Variants in PIEZO2 observed in about 807,000 individuals in gnomAD.
The protein encoded by PIEZO2 is piezo-type mechanosensitive ion channel component 2.
Under a neutral mutation model 337.3 loss-of-function variants are expected in PIEZO2, and 172 were observed. The observed-to-expected ratio is 0.51, with a 90% CI of 0.45 to 0.58. The LOEUF is 0.58. Ranked by LOEUF, PIEZO2 falls within the 20% of genes least tolerant of loss-of-function variation. PIEZO2 has a pLI of 0.00. For synonymous variants in PIEZO2, 1,251 were observed against 1,228.5 expected (o/e 1.02, Z -0.38); for missense variants, 3,028 against 3,391.3 (o/e 0.89, Z 2.66).
chr18:11,005,199 C>A (rs1198471657), intron 2 of PIEZO2, among the ~76,000 whole-genome samples: 3 of 152,254 alleles, frequency 2.0e-5, no homozygotes, highest in Non-Finnish European at 4.4e-5. Flanking sequence ...TTCCCCTTCA[C>A]ATCAGGCTTC....
At chr18:11,145,304 T>C (rs2040781367) in intron 1 of PIEZO2, among the ~76,000 whole-genome samples, 1 of 152,174 alleles carries the variant, frequency 6.6e-6, no homozygotes, top group South Asian at 2.1e-4. Flanking sequence ...ACATCTGCAT[T>C]GAAGAGGCCT....
At chr18:10,805,384 C>T (rs901450682) in intron 8 of PIEZO2, among the ~76,000 whole-genome samples, 4 of 152,144 alleles carry the variant, frequency 2.6e-5, no homozygotes, top group Non-Finnish European at 4.4e-5. Context: ...GGCGTGGTGT[C>T]GGGCACCTGT....
chr18:11,073,391 C>G (rs1568350164), intron 1 of PIEZO2, among the ~76,000 whole-genome samples: 1 of 152,108 alleles, frequency 6.6e-6, no homozygotes, highest in Non-Finnish European at 1.5e-5. Context: ...CTTGAGCATC[C>G]CCTCTCCCTT....
rs907880762 is a variant in PIEZO2, at chr18:10,713,145, A to T, written c.5423+1619T>A. 6.6e-6 allele frequency among the ~76,000 whole-genome samples: 1 copy of T among 152,210 alleles called. No individual in the cohort carries two copies. Among genetic ancestry groups the T allele is most frequent in the African/African-American group, 2.4e-5 (1 of 41,452 alleles). On this transcript the variant is annotated intron_variant, in intron 39 of 55. Transcript: ENST00000674853. This position sits in a 1 kb window ranked among gnomAD's most constrained non-coding sequence, Gnocchi z 4.5. ...AATATATATATTTTAAATTAGGCTT[A>T]GCATACATCTTATTTTAAAACTTGG...
In PIEZO2 at chr18:10,933,660, C is replaced by T. The variant is rs541099490; in HGVS notation, c.287-22432G>A. Among the ~76,000 whole-genome samples, 34 of 152,306 alleles carry T rather than the reference C, an allele frequency of 2.2e-4. No individual in the cohort carries two copies. In the South Asian group the frequency reaches 4.4e-3, roughly 20 times the overall value. Reference sequence around the variant, plus strand: ...ATCACTGTGTGCCAGGCAGACGTGTCATGGAAAGAATCCTTTCATGGGTTG... The same window carrying T: ...ATCACTGTGTGCCAGGCAGACGTGTTATGGAAAGAATCCTTTCATGGGTTG... On this transcript the variant is annotated intron_variant, in intron 3 of 55. Transcript: ENST00000674853.
At chr18:11,049,897 C>G (rs559160210) in intron 2 of PIEZO2, among the ~76,000 whole-genome samples, 2 of 152,138 alleles carry the variant, frequency 1.3e-5, no homozygotes, top group Non-Finnish European at 2.9e-5. Context: ...CGGAGTAATA[C>G]AAAAGGTGAA....
Position 10,720,234 on chromosome 18 carries a change from G to GTA in PIEZO2, c.5030-1977_5030-1976dup, listed in dbSNP as rs371910207. On this transcript the variant is annotated intron_variant, in intron 36 of 55. Coordinates refer to ENST00000674853, the MANE Select transcript of PIEZO2 (RefSeq NM_001378183.1). ...TATATATGAATATATGTGTGTGTGT[G>GTA]TATATATATATATATGGAGCCCAGG... is the stretch of plus-strand genomic sequence containing the variant. Among the ~76,000 whole-genome samples, 104 of 119,884 alleles carry GTA rather than the reference G, an allele frequency of 8.7e-4. 3 individuals carry two copies. Among genetic ancestry groups the GTA allele is most frequent in the South Asian group, 2.4e-3 (10 of 4,170 alleles). The allele number at this position is 119,884 out of a possible 152,430, so 78.6% of individuals were successfully genotyped here. A position where few individuals can be genotyped will look rare whatever the true frequency, so the allele number is the denominator to read the frequency against.
intron 3 of PIEZO2, among the ~76,000 whole-genome samples, chr18:10,936,515 C>A (rs8094691): frequency 6.6e-6 from 1 of 152,052 alleles, no homozygotes; most frequent in African/African-American, 2.4e-5. Flanking sequence ...GCTACCGATG[C>A]GAAAATGTTG....
Position 10,888,042 on chromosome 18 carries a change from C to A in PIEZO2, c.330-16627G>T, listed in dbSNP as rs2042657885. Reference sequence around the variant, plus strand: ...GTCCTCTGCCTTATCAAGCTTCCACCCACCAACTTTAGCAGACATTAATGA... The same window carrying A: ...GTCCTCTGCCTTATCAAGCTTCCACACACCAACTTTAGCAGACATTAATGA... On this transcript the variant is annotated intron_variant, in intron 4 of 55. Coordinates refer to ENST00000674853, the MANE Select transcript of PIEZO2 (RefSeq NM_001378183.1). The surrounding 1 kb of genome is among the most constrained non-coding windows in gnomAD (Gnocchi z 4.1). 6.6e-6 allele frequency among the ~76,000 whole-genome samples: 1 copy of A among 152,176 alleles called. No individual in the cohort carries two copies. Among genetic ancestry groups the A allele is most frequent in the Non-Finnish European group, 1.5e-5 (1 of 68,028 alleles).
At chr18:10,730,397 T>C (rs1215971838) in intron 36 of PIEZO2, among the ~76,000 whole-genome samples, 3 of 152,234 alleles carry the variant, frequency 2.0e-5, no homozygotes, top group African/African-American at 7.2e-5. Context: ...GGTCTGTGAA[T>C]TGTTTTTTCA....
At chr18:10,852,410 CT>C (rs762996208) in intron 7 of PIEZO2, among the ~76,000 whole-genome samples, 19 of 152,066 alleles carry the variant, frequency 1.2e-4, no homozygotes, top group Non-Finnish European at 2.6e-4. Flanking sequence ...CTTATTTTAA[CT>C]GAATTTAAGT....
intron 1 of PIEZO2, among the ~76,000 whole-genome samples, chr18:11,108,432 G>C (rs577119159): frequency 1.3e-5 from 2 of 149,342 alleles, no homozygotes; most frequent in African/African-American, 5.0e-5. Context: ...TGGCTAACAC[G>C]GTGAAACCTC....
intron 2 of PIEZO2, among the ~76,000 whole-genome samples, chr18:11,004,849 G>A (rs557774627): frequency 6.6e-6 from 1 of 152,314 alleles, no homozygotes; most frequent in East Asian, 1.9e-4. Context: ...TAATTGATTT[G>A]TGCGTTTCCT....
Position 10,757,968 on chromosome 18 carries a change from C to A in PIEZO2, c.3923+1G>T. 1 of 1,533,864 alleles carries A rather than the reference C, an allele frequency of 6.5e-7. No homozygotes were observed. On this transcript the variant is annotated splice_donor_variant, in intron 27 of 55. Coordinates refer to ENST00000674853, the MANE Select transcript of PIEZO2 (RefSeq NM_001378183.1). LOFTEE classifies it high-confidence loss of function. Reference sequence around the variant, plus strand: ...TTTAGCAAATGTGAAGCTCTTGTTACCTGCAGTGAATAAAATCTGGCACAG... The same window carrying A: ...TTTAGCAAATGTGAAGCTCTTGTTAACTGCAGTGAATAAAATCTGGCACAG...
In PIEZO2 at chr18:11,093,235, G is replaced by A. The variant is rs147757886; in HGVS notation, c.65-27013C>T. 2.0e-4 allele frequency among the ~76,000 whole-genome samples: 31 copies of A among 152,232 alleles called. 1 individual carries two copies. The South Asian group carries it at 2.1e-3, about 10-fold the overall frequency. ...GGGTAAAGCGGAGCCAGCCATTTGC[G>A]GGAGTGACCTATACACACCCCTCAA... On this transcript the variant is annotated intron_variant, in intron 1 of 55. Transcript: ENST00000674853.
intron 1 of PIEZO2, among the ~76,000 whole-genome samples, chr18:11,121,536 A>C (rs968483308): frequency 6.6e-6 from 1 of 152,224 alleles, no homozygotes; most frequent in African/African-American, 2.4e-5. Context: ...TCTGCACTCC[A>C]GCCTGGGCAA....
intron 1 of PIEZO2, among the ~76,000 whole-genome samples, chr18:11,120,813 T>A (rs1403836481): frequency 6.6e-6 from 1 of 152,278 alleles, no homozygotes; most frequent in Non-Finnish European, 1.5e-5. Context: ...TTTTGTTGCA[T>A]CTATGGATCT....
chr18:10,890,062 A>T (rs771320419), intron 4 of PIEZO2, among the ~76,000 whole-genome samples: 22 of 152,188 alleles, frequency 1.4e-4, no homozygotes, highest in Admixed American at 5.9e-4. Flanking sequence ...CTGCTCCCCC[A>T]TCAAACTCCA....
chr18:11,039,748 G>GCGCA (rs2037048466), intron 2 of PIEZO2, among the ~76,000 whole-genome samples: 1 of 140,474 alleles, frequency 7.1e-6, no homozygotes, highest in Admixed American at 7.0e-5. Flanking sequence ...TTTTAAATAG[G>GCGCA]CACACACACA....
Sources: allele counts gnomAD v4.1 joint callset (sites outside exome capture counted in the v4.1 genomes callset), GRCh38; gene constraint gnomAD v4.1.1; non-coding constraint Gnocchi (gnomAD v3.1); transcripts MANE v1.5; gene names NCBI Gene and HGNC (gene_info 2026-07-23, HGNC 2026-07-21).